The following SETD5 variants were observed in gnomAD, a reference collection of about 807,000 sequenced individuals.
SETD5 encodes the protein SET domain containing 5, also known as histone-lysine N-methyltransferase SETD5.
In SETD5, 44 loss-of-function variants were observed where a neutral mutation model predicts 153.3. That is an observed-to-expected ratio of 0.29 (90% CI 0.23 to 0.37). The LOEUF (loss-of-function observed/expected upper bound fraction) is 0.37, where lower values mean the gene tolerates loss of function less well. Ranked by LOEUF, SETD5 falls within the 10% of genes least tolerant of loss-of-function variation. The pLI is 1.00. For missense variants in SETD5, 1,544 were observed against 1,768.0 expected (o/e 0.87, Z 2.27); for synonymous variants, 716 against 645.2 (o/e 1.11, Z -1.66).
chr3:9,474,472 G>A lies in SETD5; in HGVS notation c.3521G>A (p.Arg1174Gln), dbSNP rs748495610. Residue 1174 changes from arginine (R) to glutamine (Q), a missense_variant, in exon 21 of 23, where the codon CGA becomes CAA. By Grantham distance (43) the Arg-to-Gln change is conservative. This residue lies in a region of SETD5 where 38 missense variants were observed against 71.4 expected (regional missense o/e 0.53). Transcript: ENST00000402198. ...SRWMVPTSVERLREGGSIPKV... is the reference protein window; with the variant it reads ...SRWMVPTSVEQLREGGSIPKV... ...AGGATGGTTCCCACATCAGTAGAAC[G>A]ACTCCGAGAAGGAGGGAGCATCCCC... 6 of 1,613,862 alleles carry A rather than the reference G, an allele frequency of 3.7e-6. No individual in the cohort carries two copies. The highest frequency in any genetic ancestry group is 5.1e-6 in the Non-Finnish European group (6 of 1,179,830).
At position 9,473,553 on chromosome 3, in the gene SETD5, A is replaced by G; in HGVS notation, c.3497+16A>G. The G allele has an allele frequency of 2.5e-6, 4 of 1,586,536 alleles. No homozygotes were observed. Among genetic ancestry groups the G allele is most frequent in the Non-Finnish European group, 3.4e-6 (4 of 1,163,198 alleles). On this transcript the variant is annotated intron_variant, in intron 20 of 22. Transcript: ENST00000402198. ...GCAGTAGGTGGTAAGTTTATATTTG[A>G]TGTTTTATAGTTAAATTGGGGGTGG...
rs1336497420 is a variant in SETD5 at position 9,477,363 on chromosome 3, TTACTG to T, written c.*1275_*1279del. On this transcript the variant is annotated 3_prime_UTR_variant, in exon 23 of 23. Transcript: ENST00000402198. ...TTGCCAGCTTATTTCTTTCACTTGT[TTACTG>T]TAATATCTGGCGTGTTTTTATTTAT... The T allele has an allele frequency of 2.0e-5, 3 of 152,678 alleles. No individual in the cohort carries two copies. Among genetic ancestry groups the T allele is most frequent in the African/African-American group, 7.2e-5 (3 of 41,454 alleles). 9.5% of individuals were successfully genotyped at this position (152,678 alleles called of 1,614,324 possible).
chr3:9,473,603 T>G, intron 20 of SETD5, 66 bp downstream of exon 20: 1 of 1,469,910 alleles, frequency 6.8e-7, no homozygotes. Flanking sequence ...CTAAGATCAT[T>G]CCCAGTTTTA....
intron 1 of SETD5, among the ~76,000 whole-genome samples, chr3:9,419,777 T>G (rs1057120639): frequency 6.6e-6 from 1 of 152,184 alleles, no homozygotes; most frequent in African/African-American, 2.4e-5. Flanking sequence ...TTGCTTAAAT[T>G]AATGAAAGTA....
chr3:9,441,804 A>G, intron 9 of SETD5, 63 bp downstream of exon 9: 3 of 1,598,742 alleles, frequency 1.9e-6, no homozygotes, highest in Non-Finnish European at 8.6e-7. Flanking sequence ...GTGTTGTTGT[A>G]AAAATCATTC....
chr3:9,475,719 G>A lies in SETD5; in HGVS notation c.3957G>A (p.Gly1319=). Residue 1319 remains glycine (G), a synonymous_variant, in exon 23 of 23, where the codon GGG becomes GGA. Transcript: ENST00000402198. The stretch of plus-strand genomic sequence containing the variant: ...TGGCCCCATTTACGGGGACACCAGG[G>A]TATTTTAGCAGCCAGCCACATTCTG... ...DSLAPFTGTP[G]YFSSQPHSGN... is the part of the protein sequence containing the mutation. The A allele has an allele frequency of 1.9e-6, 3 of 1,613,962 alleles. No homozygotes were observed. The highest frequency in any genetic ancestry group is 2.5e-6 in the Non-Finnish European group (3 of 1,179,892).
Position 9,404,253 on chromosome 3 carries a change from C to CA in SETD5, c.-177+6282dup, listed in dbSNP as rs1352666274. Among the ~76,000 whole-genome samples the CA allele has an allele frequency of 2.6e-5, 4 of 152,078 alleles. No homozygotes were observed. The East Asian group carries it at 5.8e-4, about 22-fold the overall frequency. On this transcript the variant is annotated intron_variant, in intron 1 of 22. Transcript: ENST00000402198. The stretch of plus-strand genomic sequence containing the variant: ...GGAGATGTTTTAACCGATTAATAAC[C>CA]AAAAAACTGCCTTTCGTACACGTAA...
At chr3:9,404,153 GT>G (rs968380907) in intron 1 of SETD5, among the ~76,000 whole-genome samples, 1 of 152,128 alleles carries the variant, frequency 6.6e-6, no homozygotes, top group African/African-American at 2.4e-5. Context: ...TAGCCTTAAA[GT>G]TTTCCCTTCT....
At chr3:9,443,907 C>G (rs1417804296) in intron 11 of SETD5, among the ~76,000 whole-genome samples, 3 of 152,054 alleles carry the variant, frequency 2.0e-5, no homozygotes, top group Admixed American at 6.6e-5. Flanking sequence ...ACTAAAAACA[C>G]AAAAATTAGC....
chr3:9,455,732 A>G (rs2043158104), intron 17 of SETD5, among the ~76,000 whole-genome samples: 1 of 152,162 alleles, frequency 6.6e-6, no homozygotes, highest in Non-Finnish European at 1.5e-5. Context: ...GTGTGTGTTA[A>G]TGCATGTGTA....
intron 1 of SETD5, among the ~76,000 whole-genome samples, chr3:9,410,291 C>T (rs946126532): frequency 1.3e-5 from 2 of 152,092 alleles, no homozygotes; most frequent in South Asian, 2.1e-4. Context: ...AATGGTACAC[C>T]TTTGTAGGGC....
chr3:9,425,222 C>T (rs568295085), intron 2 of SETD5, among the ~76,000 whole-genome samples: 76 of 151,814 alleles, frequency 5.0e-4, no homozygotes, highest in Non-Finnish European at 8.7e-4. Flanking sequence ...CCATCGTGCC[C>T]GGCTAATTTT....
intron 17 of SETD5, among the ~76,000 whole-genome samples, chr3:9,462,357 G>A (rs1488887475): frequency 6.6e-6 from 1 of 152,068 alleles, no homozygotes; most frequent in Non-Finnish European, 1.5e-5. Flanking sequence ...GGAGGCCGAG[G>A]CGGGTGGATC....
At chr3:9,431,374 G>T in intron 3 of SETD5, 1 of 985,182 alleles carries the variant, frequency 1.0e-6, no homozygotes, top group Non-Finnish European at 1.2e-6. Flanking sequence ...GATAGGAGAA[G>T]AAAGCCTGTA....
intron 12 of SETD5, 56 bp from the exon 13 acceptor site, chr3:9,445,601 C>T (rs771071003): frequency 1.4e-6 from 2 of 1,469,508 alleles, no homozygotes; most frequent in Non-Finnish European, 1.9e-6. Context: ...CAGAATAAAA[C>T]AGATTGATTT....
At chr3:9,430,240 T>A (rs2039803206) in intron 3 of SETD5, 1 of 984,790 alleles carries the variant, frequency 1.0e-6, no homozygotes, top group South Asian at 4.7e-5. Context: ...TAAAGCCACC[T>A]AATATAACTT....
intron 17 of SETD5, among the ~76,000 whole-genome samples, chr3:9,454,828 T>C (rs2043038475): frequency 6.6e-6 from 1 of 152,128 alleles, no homozygotes; most frequent in Non-Finnish European, 1.5e-5. Flanking sequence ...CCTGCAAATA[T>C]CAGCTTAATT....
chr3:9,454,156 TGGGGCA>T (rs2042936694), intron 17 of SETD5: 1 of 171,852 alleles, frequency 5.8e-6, no homozygotes, highest in African/African-American at 2.4e-5. Context: ...ATTTATAAGA[TGGGGCA>T]AGGGCAAGAA....
chr3:9,461,608 C>G (rs1217357116), intron 17 of SETD5, among the ~76,000 whole-genome samples: 3 of 152,148 alleles, frequency 2.0e-5, no homozygotes, highest in Non-Finnish European at 4.4e-5. Flanking sequence ...AATGACTTGG[C>G]TTTCTTTGGC....
Sources: gnomAD v4.1 joint callset for allele counts (sites outside exome capture counted in the v4.1 genomes callset) on GRCh38, gnomAD v4.1.1 for gene constraint, gnomAD v4.1.1 regional missense constraint, MANE v1.5 for transcripts, NCBI Gene and HGNC (gene_info 2026-07-23, HGNC 2026-07-21) for gene names.